The following CYGB variants were observed in gnomAD, a reference collection of about 807,000 sequenced individuals.
CYGB encodes the protein histoglobin.
In CYGB, 13 loss-of-function variants were observed where a neutral mutation model predicts 20.7. That is an observed-to-expected ratio of 0.63 (90% CI 0.41 to 1.00). CYGB has a LOEUF of 1.00. Ranked by LOEUF, CYGB falls within the 50% of genes least tolerant of loss-of-function variation. The pLI, the probability that CYGB is intolerant of heterozygous loss-of-function variation, is 0.00. For synonymous variants in CYGB, 93 were observed against 107.4 expected (o/e 0.87, Z 0.83); for missense variants, 218 against 257.2 (o/e 0.85, Z 1.04).
At chr17:76,544,764 T>C in intron 1 of CYGB, 1 of 456,804 alleles carries the variant, frequency 2.2e-6, no homozygotes, top group Middle Eastern at 3.3e-4. Context: ...CTATTTGCCA[T>C]GTTCCTGTCA....
Position 76,531,630 on chromosome 17 carries a change from G to C in CYGB, c.205C>G (p.Pro69Ala). 6.2e-7 allele frequency: 1 copy of C among 1,612,778 alleles called. No individual in the cohort carries two copies. Among genetic ancestry groups the C allele is most frequent in the African/African-American group, 1.3e-5 (1 of 75,034 alleles). ...TGGGGGCTCCGCTCCATCTCCAGGG[G>C]ATCCTCCATGTGCTTGAACTGGCTG... Reference protein sequence around the residue: ...YFSQFKHMEDPLEMERSPQLR... With the variant: ...YFSQFKHMEDALEMERSPQLR... The change falls in exon 2 of 4, where the codon CCC becomes GCC. Residue 69 changes from proline (P) to alanine (A), a missense_variant. Around this residue, in one of 2 missense-constraint regions of CYGB, gnomAD observed 152 missense variants for 149.9 expected, o/e 1.01. Transcript: ENST00000293230. This position sits in a 1 kb window ranked among gnomAD's most constrained non-coding sequence, Gnocchi z 7.4.
rs547516215 is a variant in CYGB at position 76,534,339 on chromosome 17, C to T, written c.144-2648G>A. 3.3e-5 allele frequency among the ~76,000 whole-genome samples: 5 copies of T among 152,164 alleles called. No individual in the cohort carries two copies. The South Asian group carries it at 8.3e-4, about 25-fold the overall frequency. On this transcript the variant is annotated intron_variant, in intron 1 of 3. Coordinates refer to ENST00000293230, the MANE Select transcript of CYGB (RefSeq NM_134268.5). ...GATTACAGGTGCCCGCCACCACACC[C>T]GGCTAATTTTTGTGTTTTTAGTAGA... is the stretch of plus-strand genomic sequence containing the variant.
chr17:76,537,510 C>G lies in CYGB; in HGVS notation c.33G>C (p.Glu11Asp). ...ACAGCTCCTCGCTCCGCTCCCTGCG[C>G]TCGATCTCCATCTCGCCTGGCACTT... MEKVPGEMEI[E>D]RRERSEELSE... Residue 11 changes from glutamate to aspartate, a missense_variant, in exon 1 of 4, where the codon GAG becomes GAC. By Grantham distance (45) the Glu-to-Asp change is conservative. Around this residue, in one of 2 missense-constraint regions of CYGB, gnomAD observed 152 missense variants for 149.9 expected, o/e 1.01. Coordinates refer to ENST00000293230, the MANE Select transcript of CYGB (RefSeq NM_134268.5). 6.3e-7 allele frequency: 1 copy of G among 1,576,644 alleles called. No individual in the cohort carries two copies. Among genetic ancestry groups the G allele is most frequent in the Non-Finnish European group, 8.6e-7 (1 of 1,163,520 alleles).
At position 76,531,387 on chromosome 17, in the gene CYGB, C is replaced by T. The variant is rs979998187; in HGVS notation, c.375+73G>A. ...CACCTCTGTTGCTCCAGAGAGCCGT[C>T]GCAGAGCCTGCGAGCTGCAGATGGC... On this transcript the variant is annotated intron_variant, in intron 2 of 3. Coordinates refer to ENST00000293230, the MANE Select transcript of CYGB (RefSeq NM_134268.5). The surrounding 1 kb of genome is among the most constrained non-coding windows in gnomAD (Gnocchi z 7.4). 77 of 1,534,024 alleles carry T rather than the reference C, an allele frequency of 5.0e-5. No individual in the cohort carries two copies. The highest frequency in any genetic ancestry group is 4.6e-4 in the African/African-American group (34 of 73,500).
chr17:76,539,559 CCTTT>C (rs1370589512), upstream of CYGB, among the ~76,000 whole-genome samples: 1 of 152,198 alleles, frequency 6.6e-6, no homozygotes, highest in Non-Finnish European at 1.5e-5. Flanking sequence ...ATATTCCTCC[CCTTT>C]CTTCCTCCTC....
intron 1 of CYGB, among the ~76,000 whole-genome samples, chr17:76,534,146 TTCTCTCTCTC>T (rs71158013): frequency 0.022 from 2,897 of 128,994 alleles, 107 homozygotes; most frequent in African/African-American, 0.073. Flanking sequence ...CTCTTTCTCT[TTCTCTCTCTC>T]TCTCTCTCTC....
At chr17:76,534,014 G>A (rs915106061) in intron 1 of CYGB, among the ~76,000 whole-genome samples, 8 of 152,150 alleles carry the variant, frequency 5.3e-5, no homozygotes, top group Non-Finnish European at 8.8e-5. Context: ...CTCCAGCTTG[G>A]GTGACAGAGC....
At chr17:76,543,747 G>A (rs1338620055) in intron 1 of CYGB, 1 of 469,494 alleles carries the variant, frequency 2.1e-6, no homozygotes, top group African/African-American at 2.0e-5. Context: ...GGTCCGAGGT[G>A]CTGGTGTCGG....
chr17:76,549,905 A>T (rs2075089998), intron 1 of CYGB: 1 of 151,922 alleles, frequency 6.6e-6, no homozygotes, highest in African/African-American at 2.4e-5. Context: ...CCGGGGTTAG[A>T]TATTGTGGGG....
chr17:76,541,547 G>A (rs547617078), upstream of CYGB, among the ~76,000 whole-genome samples: 1 of 152,246 alleles, frequency 6.6e-6, no homozygotes, highest in African/African-American at 2.4e-5. Context: ...TCTGAGTCCT[G>A]GGATTCTGAG....
intron 1 of CYGB, among the ~76,000 whole-genome samples, chr17:76,532,312 T>C (rs945656417): frequency 2.0e-5 from 3 of 152,142 alleles, no homozygotes; most frequent in African/African-American, 7.2e-5. Flanking sequence ...GTTCCTCGGG[T>C]GAGCCACATT....
chr17:76,532,045 G>A (rs2074850897), intron 1 of CYGB: 1 of 198,988 alleles, frequency 5.0e-6, no homozygotes, highest in African/African-American at 2.3e-5. Context: ...GGAATCATGA[G>A]TTGATCTGAA....
At chr17:76,544,235 G>GC in intron 1 of CYGB, 1 of 454,496 alleles carries the variant, frequency 2.2e-6, no homozygotes. Flanking sequence ...TCCCCAGCCA[G>GC]CCCCCCTCCC....
chr17:76,540,260 GGGGCAT>G, upstream of CYGB: 2 of 933,210 alleles, frequency 2.1e-6, no homozygotes, highest in Non-Finnish European at 1.7e-6. This position sits in a 1 kb window ranked among gnomAD's most constrained non-coding sequence, Gnocchi z 5.0. Context: ...TCGGGGGGGG[GGGGCAT>G]GGGGCTGGGC....
chr17:76,531,671 G>A lies in CYGB; in HGVS notation c.164C>T (p.Ser55Leu), dbSNP rs139406761. Reference protein sequence around the residue: ...ILVRFFVNFPSAKQYFSQFKH... With the variant: ...ILVRFFVNFPLAKQYFSQFKH... Reference sequence around the variant, plus strand: ...GAACTGGCTGAAGTACTGCTTGGCCGAGGGGAAGTTCACAAAGAACCTGGC... The same window carrying A: ...GAACTGGCTGAAGTACTGCTTGGCCAAGGGGAAGTTCACAAAGAACCTGGC... Residue 55 changes from serine to leucine, a missense_variant, in exon 2 of 4, where the codon TCG becomes TTG. Ser to Leu is a moderately radical substitution (Grantham distance 145, BLOSUM62 -2). Coordinates refer to ENST00000293230, the MANE Select transcript of CYGB (RefSeq NM_134268.5). The surrounding 1 kb of genome is among the most constrained non-coding windows in gnomAD (Gnocchi z 7.4). 28 of 1,596,888 alleles carry A rather than the reference G, an allele frequency of 1.8e-5. No homozygotes were observed. In the African/African-American group the frequency reaches 2.3e-4, roughly 13 times the overall value.
At chr17:76,541,296 G>A (rs8074999), upstream of CYGB, among the ~76,000 whole-genome samples, 151,262 of 152,340 alleles carry the variant, frequency 0.99, 75,107 homozygotes, top group Middle Eastern at 1. Flanking sequence ...CTCACCTAGC[G>A]TGGGAGACCT....
intron 1 of CYGB, chr17:76,544,433 C>T (rs767521000): frequency 4.4e-6 from 2 of 454,872 alleles, no homozygotes; most frequent in South Asian, 1.6e-5. Context: ...GGAGGAGGTG[C>T]ACCCCGCTGG....
chr17:76,544,501 T>G, intron 1 of CYGB: 1 of 456,204 alleles, frequency 2.2e-6, no homozygotes, highest in Non-Finnish European at 4.4e-6. Context: ...GGCAGTTCTG[T>G]GGGAGCCTCT....
chr17:76,528,718 A>C lies in CYGB; in HGVS notation c.540-107T>G, dbSNP rs1256135619. 4.3e-5 allele frequency: 49 copies of C among 1,127,802 alleles called. No individual in the cohort carries two copies. The highest frequency in any genetic ancestry group is 5.6e-5 in the Non-Finnish European group (49 of 879,570). 69.9% of individuals were successfully genotyped at this position (1,127,802 alleles called of 1,614,324 possible). On this transcript the variant is annotated intron_variant, in intron 3 of 3. Transcript: ENST00000293230. This position sits in a 1 kb window ranked among gnomAD's most constrained non-coding sequence, Gnocchi z 5.8. ...CTGGCGAGGCTCACTTCCTGCCAAGAGATCCGGCACAGTGCAGTTGAAAGC... is the reference window on the plus strand; with the variant it reads ...CTGGCGAGGCTCACTTCCTGCCAAGCGATCCGGCACAGTGCAGTTGAAAGC...
Sources: gnomAD v4.1 joint callset for allele counts (sites outside exome capture counted in the v4.1 genomes callset) on GRCh38, gnomAD v4.1.1 for gene constraint, gnomAD v4.1.1 regional missense constraint, Gnocchi (gnomAD v3.1) non-coding constraint, MANE v1.5 for transcripts, NCBI Gene and HGNC (gene_info 2026-07-23, HGNC 2026-07-21) for gene names.